The following PRKD1 variants were observed in gnomAD, a reference collection of about 807,000 sequenced individuals.
The protein encoded by PRKD1 is protein kinase D1, also known as serine/threonine-protein kinase D1.
In PRKD1, 63 loss-of-function variants were observed where a neutral mutation model predicts 95.9. The ratio of observed to expected loss-of-function variants is 0.66; its 90% CI spans 0.54 to 0.81. The LOEUF is 0.81. Among genes scored for constraint, PRKD1 ranks in the 30% least tolerant of loss-of-function variants. PRKD1 has a pLI of 0.00. For missense variants in PRKD1, 1,048 were observed against 1,165.3 expected (o/e 0.90, Z 1.47); for synonymous variants, 425 against 423.1 (o/e 1.00, Z -0.05).
At chr14:29,663,985 C>G in intron 3 of PRKD1, 126 bp from the exon 4 acceptor site, 1 of 1,017,060 alleles carries the variant, frequency 9.8e-7, no homozygotes, top group Non-Finnish European at 1.4e-6. Context: ...TTTGGAAATT[C>G]ACATTTTCTT....
intron 1 of PRKD1, among the ~76,000 whole-genome samples, chr14:29,849,610 A>C (rs1892224267): frequency 1.3e-5 from 2 of 152,026 alleles, no homozygotes; most frequent in South Asian, 4.2e-4. Context: ...AAACGCCCTA[A>C]ACAGATGGAT....
chr14:29,614,402 T>G (rs942486259), intron 13 of PRKD1, among the ~76,000 whole-genome samples: 1 of 152,142 alleles, frequency 6.6e-6, no homozygotes, highest in South Asian at 2.1e-4. Context: ...ACAACTCAGC[T>G]CCTACATTTT....
At chr14:29,782,558 G>A (rs1001870018) in intron 1 of PRKD1, among the ~76,000 whole-genome samples, 13 of 151,748 alleles carry the variant, frequency 8.6e-5, no homozygotes, top group African/African-American at 2.9e-4. Context: ...TTGATACAGG[G>A]TCTCCTTCTG....
chr14:29,699,122 T>A (rs1884692273), intron 2 of PRKD1, among the ~76,000 whole-genome samples: 1 of 152,236 alleles, frequency 6.6e-6, no homozygotes, highest in South Asian at 2.1e-4. Flanking sequence ...ATTTCTAATT[T>A]GTTGCTAATA....
intron 1 of PRKD1, among the ~76,000 whole-genome samples, chr14:29,887,823 G>T (rs1375501861): frequency 6.6e-6 from 1 of 152,146 alleles, no homozygotes; most frequent in African/African-American, 2.4e-5. Context: ...ATACAGCCTA[G>T]GTGTGTGGTA....
intron 13 of PRKD1, among the ~76,000 whole-genome samples, chr14:29,622,089 G>C (rs1042064310): frequency 6.6e-6 from 1 of 152,150 alleles, no homozygotes; most frequent in Non-Finnish European, 1.5e-5. Flanking sequence ...GCATGGAGGG[G>C]GCGGGCATTT....
At chr14:29,767,800 T>C (rs1888321383) in intron 1 of PRKD1, among the ~76,000 whole-genome samples, 1 of 152,236 alleles carries the variant, frequency 6.6e-6, no homozygotes, top group African/African-American at 2.4e-5. Context: ...AGTGACTGAT[T>C]TCACTTTTAA....
intron 1 of PRKD1, among the ~76,000 whole-genome samples, chr14:29,810,689 TG>T (rs1890446644): frequency 1.3e-5 from 2 of 152,276 alleles, no homozygotes; most frequent in African/African-American, 2.4e-5. Context: ...GACATTAGCT[TG>T]GCACTTAAGA....
chr14:29,903,848 A>C (rs555380911), intron 1 of PRKD1, among the ~76,000 whole-genome samples: 1 of 152,314 alleles, frequency 6.6e-6, no homozygotes, highest in Non-Finnish European at 1.5e-5. Flanking sequence ...GTCTAGCTTT[A>C]ATATGCTCTT....
intron 1 of PRKD1, among the ~76,000 whole-genome samples, chr14:29,918,418 T>C (rs1894969291): frequency 6.6e-6 from 1 of 152,102 alleles, no homozygotes; most frequent in Admixed American, 6.6e-5. Context: ...ACACCAAAAA[T>C]ATGTACCATA....
chr14:29,685,163 C>A (rs1883784084), intron 2 of PRKD1, among the ~76,000 whole-genome samples: 1 of 152,132 alleles, frequency 6.6e-6, no homozygotes, highest in African/African-American at 2.4e-5. Context: ...AAGAGTGGTC[C>A]ACTTGGTAGA....
chr14:29,826,859 A>ATATATG lies in PRKD1; in HGVS notation c.264+100389_264+100390insCATATA, dbSNP rs1555348625. Among the ~76,000 whole-genome samples the ATATATG allele has an allele frequency of 1.7e-4, 17 of 99,422 alleles. 4 individuals carry two copies. Among genetic ancestry groups the ATATATG allele is most frequent in the Admixed American group, 1.4e-3 (11 of 7,980 alleles). 65.2% of individuals were successfully genotyped at this position (99,422 alleles called of 152,430 possible). A position where few individuals can be genotyped will look rare whatever the true frequency, so the allele number is the denominator to read the frequency against. The stretch of plus-strand genomic sequence containing the variant: ...TATATACACACATATATATATATAT[A>ATATATG]TATATATATATATATATGATGGAAT... On this transcript the variant is annotated intron_variant, in intron 1 of 17. Coordinates refer to ENST00000331968, the MANE Select transcript of PRKD1 (RefSeq NM_002742.3).
intron 1 of PRKD1, among the ~76,000 whole-genome samples, chr14:29,740,829 A>G (rs1297941473): frequency 6.6e-6 from 1 of 152,226 alleles, no homozygotes; most frequent in Non-Finnish European, 1.5e-5. Flanking sequence ...CACTATTCAC[A>G]ATAGCAAAAA....
chr14:29,925,035 T>A (rs544387272), intron 1 of PRKD1, among the ~76,000 whole-genome samples: 10 of 152,302 alleles, frequency 6.6e-5, no homozygotes, highest in African/African-American at 1.9e-4. Flanking sequence ...TTCACATCTA[T>A]AAATCTAACC....
At position 29,927,413 on chromosome 14, in the gene PRKD1, C is replaced by T. The variant is rs1895346218; in HGVS notation, c.100G>A (p.Gly34Arg). 2.0e-6 allele frequency: 3 copies of T among 1,484,912 alleles called. No homozygotes were observed. The highest frequency in any genetic ancestry group is 8.9e-7 in the Non-Finnish European group (1 of 1,118,190). 92.0% of individuals were successfully genotyped at this position (1,484,912 alleles called of 1,614,324 possible). Reference sequence around the variant, plus strand: ...ACAGGAGCCAAGAACGGCGCGGGCCCGGGCCCGGACCCTGGGACCAGTGCG... The same window carrying T: ...ACAGGAGCCAAGAACGGCGCGGGCCTGGGCCCGGACCCTGGGACCAGTGCG... ...AAALVPGSGP[G>R]PAPFLAPVAA... Residue 34 changes from glycine to arginine, a missense_variant, in exon 1 of 18, where the codon GGG becomes AGG. Physicochemically the swap from Gly to Arg is moderately radical, Grantham distance 125. Coordinates refer to ENST00000331968, the MANE Select transcript of PRKD1 (RefSeq NM_002742.3).
At chr14:29,649,476 T>C (rs1277670790) in intron 4 of PRKD1, among the ~76,000 whole-genome samples, 1 of 152,014 alleles carries the variant, frequency 6.6e-6, no homozygotes, top group Non-Finnish European at 1.5e-5. Context: ...GTTTTTACTT[T>C]GTGTTTGTAG....
intron 1 of PRKD1, among the ~76,000 whole-genome samples, chr14:29,889,857 G>A (rs1008202453): frequency 3.3e-5 from 5 of 152,208 alleles, no homozygotes; most frequent in Admixed American, 2.0e-4. Context: ...TGCACGTTGT[G>A]CATGTGTACC....
At chr14:29,658,712 G>T (rs954517637) in intron 4 of PRKD1, among the ~76,000 whole-genome samples, 1 of 152,088 alleles carries the variant, frequency 6.6e-6, no homozygotes, top group Admixed American at 6.6e-5. Context: ...TATAATTACA[G>T]TTTTGTATCT....
rs1555337072 is a variant in PRKD1 at position 29,700,988 on chromosome 14, G to GCACACACACACACA, written c.403+24534_403+24547dup. Reference sequence around the variant, plus strand: ...TACGCGTGCGCATGCGCGCGCGCGCGCACACACACACACACACACCCTGTT... The same window carrying GCACACACACACACA: ...TACGCGTGCGCATGCGCGCGCGCGCGCACACACACACACACACACACACACACACACACCCTGTT... On this transcript the variant is annotated intron_variant, in intron 2 of 17. Coordinates refer to ENST00000331968, the MANE Select transcript of PRKD1 (RefSeq NM_002742.3). 8.4e-4 allele frequency among the ~76,000 whole-genome samples: 76 copies of GCACACACACACACA among 90,598 alleles called. 1 individual carries two copies. The highest frequency in any genetic ancestry group is 2.4e-3 in the African/African-American group (55 of 23,276). The allele number at this position is 90,598 out of a possible 152,430, so 59.4% of individuals were successfully genotyped here. A position where few individuals can be genotyped will look rare whatever the true frequency, so the allele number is the denominator to read the frequency against.
Sources: allele counts gnomAD v4.1 joint callset (sites outside exome capture counted in the v4.1 genomes callset), GRCh38; gene constraint gnomAD v4.1.1; transcripts MANE v1.5; gene names NCBI Gene and HGNC (gene_info 2026-07-23, HGNC 2026-07-21).